ARHGAP32: variants seen among roughly 807,000 people sequenced by gnomAD.
ARHGAP32 encodes rho GTPase-activating protein 32.
A neutral mutation model predicts 186.5 loss-of-function variants in ARHGAP32; 51 were observed. That is an observed-to-expected ratio of 0.27 (90% CI 0.22 to 0.35). The LOEUF (loss-of-function observed/expected upper bound fraction) is 0.35. ARHGAP32 is among the 10% of genes least tolerant of loss of function. ARHGAP32 has a pLI of 1.00. For synonymous variants in ARHGAP32, 950 were observed against 964.3 expected, an observed-to-expected ratio of 0.99 and a Z score of 0.27; for missense variants, 2,186 against 2,623.5, an observed-to-expected ratio of 0.83 and a Z score of 3.64.
At chr11:129,187,132 G>C (rs1250440344) in intron 1 of ARHGAP32, among the ~76,000 whole-genome samples, 1 of 152,176 alleles carries the variant, frequency 6.6e-6, no homozygotes, top group African/African-American at 2.4e-5. Flanking sequence ...ATCAATGGAT[G>C]AATGGATAAA....
At chr11:129,245,099 G>A (rs1266062925) in intron 1 of ARHGAP32, among the ~76,000 whole-genome samples, 2 of 150,692 alleles carry the variant, frequency 1.3e-5, no homozygotes, top group African/African-American at 4.9e-5. Context: ...CCATTACTGG[G>A]TATATACCCA....
chr11:128,983,307 A>G (rs1945762861), intron 15 of ARHGAP32, among the ~76,000 whole-genome samples: 1 of 152,222 alleles, frequency 6.6e-6, no homozygotes, highest in East Asian at 1.9e-4. Flanking sequence ...TCTGCTGTAT[A>G]TAATTAAGAG....
chr11:129,227,392 GCAGAAATA>G (rs1377632751), intron 1 of ARHGAP32, among the ~76,000 whole-genome samples: 1 of 151,452 alleles, frequency 6.6e-6, no homozygotes, highest in Non-Finnish European at 1.5e-5. Flanking sequence ...TGGCAAAATG[GCAGAAATA>G]AATCCTATCT....
At chr11:129,195,656 G>A (rs1944381392), upstream of ARHGAP32, among the ~76,000 whole-genome samples, 1 of 152,106 alleles carries the variant, frequency 6.6e-6, no homozygotes, top group African/African-American at 2.4e-5. Context: ...GGAGGTTGCT[G>A]TGAGCCGAGA....
chr11:129,037,914 A>G lies in ARHGAP32; in HGVS notation c.1045+3014T>C, dbSNP rs191009492. 3.6e-3 allele frequency among the ~76,000 whole-genome samples: 550 copies of G among 152,002 alleles called. 7 individuals are homozygous for G. Among genetic ancestry groups the G allele is most frequent in the African/African-American group, 0.011 (436 of 41,316 alleles). On this transcript the variant is annotated intron_variant, in intron 11 of 22. Coordinates refer to ENST00000682385, the MANE Select transcript of ARHGAP32 (RefSeq NM_001378024.1). ...TCAGGAGTTTAAGACCAGCCTGGCC[A>G]ACATGATGAAACCCCATCTCTATCA...
intron 12 of ARHGAP32, chr11:128,993,387 G>GC (rs1423629487): frequency 1.3e-5 from 2 of 151,826 alleles, no homozygotes; most frequent in Non-Finnish European, 1.5e-5. Context: ...AAAATCTAGT[G>GC]CAAGGTTAAT....
At chr11:129,214,644 TATTGCCACAACATTTGCTTTGAAG>T (rs961018582) in intron 1 of ARHGAP32, among the ~76,000 whole-genome samples, 2 of 152,172 alleles carry the variant, frequency 1.3e-5, no homozygotes, top group Non-Finnish European at 2.9e-5. Context: ...GTAGAGACAA[TATTGCCACAACATTTGCTTTGAAG>T]ATGCAAATTT....
intron 10 of ARHGAP32, among the ~76,000 whole-genome samples, chr11:129,055,798 T>C (rs1365930482): frequency 6.6e-6 from 1 of 152,154 alleles, no homozygotes; most frequent in Non-Finnish European, 1.5e-5. Flanking sequence ...GCACAGGAGA[T>C]TTTTAGGGCA....
intron 10 of ARHGAP32, among the ~76,000 whole-genome samples, chr11:129,042,541 AT>A (rs780027197): frequency 1.8e-4 from 28 of 152,168 alleles, no homozygotes; most frequent in Non-Finnish European, 3.5e-4. Flanking sequence ...ACTTAAAAAA[AT>A]CTTCATTTTT....
intron 1 of ARHGAP32, among the ~76,000 whole-genome samples, chr11:129,168,996 G>A (rs767270195): frequency 1.1e-4 from 17 of 152,036 alleles, no homozygotes; most frequent in Non-Finnish European, 2.1e-4. Flanking sequence ...GAAAATGTGT[G>A]GGATACAACT....
At chr11:129,109,770 G>T (rs1294036832) in intron 5 of ARHGAP32, among the ~76,000 whole-genome samples, 6 of 151,728 alleles carry the variant, frequency 4.0e-5, no homozygotes, top group African/African-American at 1.5e-4. Flanking sequence ...AATGAGATTT[G>T]TGTTTTTTTA....
At chr11:129,006,326 T>C (rs913217272) in intron 11 of ARHGAP32, among the ~76,000 whole-genome samples, 10 of 152,320 alleles carry the variant, frequency 6.6e-5, no homozygotes, top group African/African-American at 2.4e-4. Context: ...GTATTTATTG[T>C]AGTCTTCAGT....
chr11:129,263,810 A>C (rs1197399214), intron 1 of ARHGAP32, among the ~76,000 whole-genome samples: 5 of 152,154 alleles, frequency 3.3e-5, no homozygotes, highest in Non-Finnish European at 5.9e-5. Context: ...GTACAGCTGC[A>C]ATGGAAAAAG....
At chr11:129,060,847 T>C (rs1940473293) in intron 10 of ARHGAP32, among the ~76,000 whole-genome samples, 1 of 152,130 alleles carries the variant, frequency 6.6e-6, no homozygotes, top group Non-Finnish European at 1.5e-5. Flanking sequence ...CTAATAAGCA[T>C]GTTCTATTTT....
chr11:129,012,147 G>A (rs1044897580), intron 11 of ARHGAP32, among the ~76,000 whole-genome samples: 12 of 152,074 alleles, frequency 7.9e-5, no homozygotes, highest in African/African-American at 2.9e-4. Context: ...TGCTTAGTGG[G>A]ATATATTCTA....
At chr11:129,091,060 T>C (rs1244978878) in intron 6 of ARHGAP32, among the ~76,000 whole-genome samples, 1 of 152,154 alleles carries the variant, frequency 6.6e-6, no homozygotes, top group Non-Finnish European at 1.5e-5. Flanking sequence ...CAGCACGACA[T>C]GTAATTCTAA....
rs1945309701 is a variant in ARHGAP32 at position 128,969,829 on chromosome 11, T to A, written c.5384A>T (p.Gln1795Leu). The change falls in exon 23 of 23, where the codon CAG (glutamine) becomes CTG (leucine). Residue 1795 changes from glutamine to leucine, a missense_variant. Around this residue, in one of 5 missense-constraint regions of ARHGAP32, gnomAD observed 1,502 missense variants for 1,570.0 expected, o/e 0.96. Transcript: ENST00000682385. This position sits in a 1 kb window ranked among gnomAD's most constrained non-coding sequence, Gnocchi z 4.8. Reference protein sequence around the residue: ...SQYDNMTPAVQDDLGGIYVIH... With the variant: ...SQYDNMTPAVLDDLGGIYVIH... ...GACATAGATCCCACCCAAGTCGTCC[T>A]GCACCGCCGGGGTCATGTTATCATA... 6.2e-7 allele frequency: 1 copy of A among 1,614,098 alleles called. No homozygotes were observed. Among genetic ancestry groups the A allele is most frequent in the African/African-American group, 1.3e-5 (1 of 74,930 alleles).
chr11:129,231,850 C>G (rs1346304146), intron 1 of ARHGAP32, among the ~76,000 whole-genome samples: 1 of 151,662 alleles, frequency 6.6e-6, no homozygotes, highest in Non-Finnish European at 1.5e-5. Context: ...CATTGAGAAG[C>G]CCCATCTCCA....
intron 11 of ARHGAP32, among the ~76,000 whole-genome samples, chr11:129,034,344 C>A (rs1308562283): frequency 1.3e-5 from 2 of 152,170 alleles, no homozygotes; most frequent in African/African-American, 4.8e-5. Context: ...TGTTTTTATA[C>A]TTCTGTCAAA....
Sources: gnomAD v4.1 joint callset for allele counts (sites outside exome capture counted in the v4.1 genomes callset) on GRCh38, gnomAD v4.1.1 for gene constraint, gnomAD v4.1.1 regional missense constraint, Gnocchi (gnomAD v3.1) non-coding constraint, MANE v1.5 for transcripts, NCBI Gene and HGNC (gene_info 2026-07-23, HGNC 2026-07-21) for gene names.